PIK3C2G: variants seen among roughly 807,000 people sequenced by gnomAD.
The protein encoded by PIK3C2G is phosphatidylinositol-4-phosphate 3-kinase catalytic subunit type 2 gamma.
Under a neutral mutation model 181.1 loss-of-function variants are expected in PIK3C2G, and 168 were observed. That is an observed-to-expected ratio of 0.93 (90% CI 0.82 to 1.05). The LOEUF is 1.05. Ranked by LOEUF, PIK3C2G falls within the 50% of genes least tolerant of loss-of-function variation. The pLI is 0.00. For synonymous variants in PIK3C2G, 573 were observed against 592.2 expected (o/e 0.97, Z 0.47); for missense variants, 1,869 against 1,732.8 (o/e 1.08, Z -1.40).
At chr12:18,285,306 G>A (rs10770349) in intron 2 of PIK3C2G, 67,640 of 151,502 alleles carry the variant, frequency 0.45, 15,317 homozygotes, top group Non-Finnish European at 0.5. Flanking sequence ...AGACATTACC[G>A]TAAACAGATG....
At chr12:18,500,154 C>T (rs1941315897) in intron 22 of PIK3C2G, among the ~76,000 whole-genome samples, 1 of 152,164 alleles carries the variant, frequency 6.6e-6, no homozygotes, top group Non-Finnish European at 1.5e-5. Context: ...GAGGGAGAGG[C>T]GCGGCCGGGA....
chr12:18,711,468 G>A, the PIK3C2G span, among the ~76,000 whole-genome samples: 1 of 150,056 alleles, frequency 6.7e-6, no homozygotes, highest in African/African-American at 2.5e-5. Flanking sequence ...ACACCAACAT[G>A]GCACATGTAT....
the PIK3C2G span, among the ~76,000 whole-genome samples, chr12:18,691,026 C>T: frequency 8.2e-4 from 125 of 152,214 alleles, no homozygotes; most frequent in Non-Finnish European, 1.5e-3. Flanking sequence ...AGACAGGCTA[C>T]CTGAAACCAT....
intron 12 of PIK3C2G, among the ~76,000 whole-genome samples, chr12:18,370,151 T>C (rs1056764568): frequency 6.6e-6 from 1 of 151,176 alleles, no homozygotes; most frequent in Non-Finnish European, 1.5e-5. Flanking sequence ...GGTAGATGTC[T>C]CCCTGCCCCT....
chr12:18,488,687 T>G (rs1940283419), intron 19 of PIK3C2G, 58 bp downstream of exon 19: 1 of 1,065,294 alleles, frequency 9.4e-7, no homozygotes, highest in African/African-American at 1.6e-5. Flanking sequence ...TTAAATTAAG[T>G]TTTAATTTCA....
chr12:18,515,550 A>G (rs1008154774), intron 24 of PIK3C2G, among the ~76,000 whole-genome samples: 2 of 151,914 alleles, frequency 1.3e-5, no homozygotes, highest in African/African-American at 4.8e-5. Context: ...TTGTATTTCT[A>G]TCATATCAGT....
chr12:18,388,117 CT>C (rs367790413), intron 14 of PIK3C2G, among the ~76,000 whole-genome samples: 2,389 of 149,204 alleles, frequency 0.016, 69 homozygotes, highest in African/African-American at 0.055. Flanking sequence ...AACGGAGATC[CT>C]TTTTTTTTTC....
intron 29 of PIK3C2G, among the ~76,000 whole-genome samples, chr12:18,590,513 G>A (rs930767575): frequency 2.0e-5 from 3 of 151,868 alleles, no homozygotes; most frequent in East Asian, 1.9e-4. Context: ...AGAGTTGTGC[G>A]GTATCCAACC....
chr12:18,649,192 T>C (rs948514690), downstream of PIK3C2G, among the ~76,000 whole-genome samples: 2 of 152,120 alleles, frequency 1.3e-5, no homozygotes, highest in Non-Finnish European at 2.9e-5. Context: ...TCCTCACTCT[T>C]GGCTGATGGC....
rs565672981 is a variant in PIK3C2G, at chr12:18,298,023, T to C, written c.1034+4008T>C. ...TATCCCTTTGTTATACTAATTTCCT[T>C]TCTTTTGGATAAACACCCATAAGTA... is the stretch of plus-strand genomic sequence containing the variant. On this transcript the variant is annotated intron_variant, in intron 5 of 32. Transcript: ENST00000538779. Among the ~76,000 whole-genome samples the C allele has an allele frequency of 2.0e-5, 3 of 152,118 alleles. No individual in the cohort carries two copies. The South Asian group carries it at 6.2e-4, about 31-fold the overall frequency.
chr12:18,451,253 G>A (rs151123161), intron 18 of PIK3C2G, among the ~76,000 whole-genome samples: 364 of 152,172 alleles, frequency 2.4e-3, no homozygotes, highest in Non-Finnish European at 3.7e-3. Flanking sequence ...TTATTTCCCT[G>A]AGCGGTGGTT....
At chr12:18,360,120 T>C (rs1185057523) in intron 11 of PIK3C2G, among the ~76,000 whole-genome samples, 2 of 152,082 alleles carry the variant, frequency 1.3e-5, no homozygotes, top group Non-Finnish European at 2.9e-5. Context: ...TTTTTCGTAA[T>C]GATATGTTTT....
At chr12:18,613,030 T>C (rs1453904208) in intron 31 of PIK3C2G, among the ~76,000 whole-genome samples, 1 of 152,152 alleles carries the variant, frequency 6.6e-6, no homozygotes, top group Non-Finnish European at 1.5e-5. Flanking sequence ...CATTTCAGTT[T>C]ATATGACAAA....
intron 4 of PIK3C2G, among the ~76,000 whole-genome samples, chr12:18,292,227 A>AAAAAAAAAAAAAAT: frequency 3.3e-4 from 16 of 48,722 alleles, no homozygotes; most frequent in East Asian, 2.0e-3. Context: ...AAAAAAAAAA[A>AAAAAAAAAAAAAAT]ATATATATAT....
intron 31 of PIK3C2G, among the ~76,000 whole-genome samples, chr12:18,613,465 C>A (rs1199131644): frequency 1.3e-5 from 2 of 151,830 alleles, no homozygotes; most frequent in Non-Finnish European, 2.9e-5. Flanking sequence ...ACACAAGAAC[C>A]CCCCCACACA....
chr12:18,266,600 G>A (rs1948510506), intron 1 of PIK3C2G, among the ~76,000 whole-genome samples: 1 of 152,034 alleles, frequency 6.6e-6, no homozygotes, highest in South Asian at 2.1e-4. Flanking sequence ...CATTAGAAGT[G>A]CACAAAGGTT....
downstream of PIK3C2G, among the ~76,000 whole-genome samples, chr12:18,651,675 G>C (rs1471777773): frequency 6.6e-6 from 1 of 152,134 alleles, no homozygotes; most frequent in East Asian, 1.9e-4. Context: ...GGCCTGAACA[G>C]CCTTTGAAGG....
intron 32 of PIK3C2G, among the ~76,000 whole-genome samples, chr12:18,645,006 A>T: frequency 6.6e-6 from 1 of 152,272 alleles, no homozygotes; most frequent in East Asian, 1.9e-4. Flanking sequence ...GATATTAATT[A>T]CCTTAAGTGT....
intron 11 of PIK3C2G, among the ~76,000 whole-genome samples, chr12:18,355,870 G>A (rs1940680515): frequency 6.6e-6 from 1 of 152,160 alleles, no homozygotes; most frequent in South Asian, 2.1e-4. Flanking sequence ...GCTGTTTGTA[G>A]TAGAACCCTT....
Sources: gnomAD v4.1 joint callset for allele counts (sites outside exome capture counted in the v4.1 genomes callset) on GRCh38, gnomAD v4.1.1 for gene constraint, MANE v1.5 for transcripts, NCBI Gene and HGNC (gene_info 2026-07-23, HGNC 2026-07-21) for gene names.